The following NECTIN2 variants were observed in gnomAD, a reference collection of about 807,000 sequenced individuals.
NECTIN2 encodes the protein nectin-2.
In NECTIN2, 23 loss-of-function variants were observed where a neutral mutation model predicts 56.9. That is an observed-to-expected ratio of 0.40 (90% CI 0.29 to 0.57). The LOEUF (loss-of-function observed/expected upper bound fraction) is 0.57, where lower values mean the gene tolerates loss of function less well. NECTIN2 is among the 20% of genes least tolerant of loss of function. NECTIN2 has a pLI of 0.38. For synonymous variants in NECTIN2, 302 were observed against 313.8 expected, an observed-to-expected ratio of 0.96 and a Z score of 0.40; for missense variants, 587 against 718.3, an observed-to-expected ratio of 0.82 and a Z score of 2.09.
Position 44,888,530 on chromosome 19 carries a change from C to A in NECTIN2, c.*151C>A. The A allele has an allele frequency of 1.2e-6, 1 of 814,646 alleles. No individual in the cohort carries two copies. The highest frequency in any genetic ancestry group is 1.9e-6 in the Non-Finnish European group (1 of 523,414). 50.5% of individuals were successfully genotyped at this position (814,646 alleles called of 1,614,324 possible). ...GTCTACCTTGGTGGCTCCACTATGA[C>A]CCCTAACCCATGAGCCCAGAGAAAT... On this transcript the variant is annotated 3_prime_UTR_variant, in exon 9 of 9. Coordinates refer to ENST00000252483, the MANE Select transcript of NECTIN2 (RefSeq NM_001042724.2).
At chr19:44,879,875 TG>T (rs1969288934) in intron 5 of NECTIN2, among the ~76,000 whole-genome samples, 7 of 152,184 alleles carry the variant, frequency 4.6e-5, no homozygotes, top group Non-Finnish European at 7.3e-5. Flanking sequence ...GGGCTGCAGC[TG>T]TGGCCTGCAC....
chr19:44,865,330 G>T lies in NECTIN2; in HGVS notation c.148G>T (p.Val50Leu). 1 of 1,614,060 alleles carries T rather than the reference G, an allele frequency of 6.2e-7. No individual in the cohort carries two copies. The highest frequency in any genetic ancestry group is 8.5e-7 in the Non-Finnish European group (1 of 1,179,968). The stretch of plus-strand genomic sequence containing the variant: ...GGTGCGAGGCCAGCTCGGGGGCACC[G>T]TGGAGCTGCCGTGCCACCTGCTGCC... ...PEVRGQLGGT[V>L]ELPCHLLPPV... Residue 50 changes from valine (V) to leucine (L), a missense_variant, in exon 2 of 9, where the codon GTG (valine) becomes TTG (leucine). Transcript: ENST00000252483. This position sits in a 1 kb window ranked among gnomAD's most constrained non-coding sequence, Gnocchi z 5.2.
chr19:44,888,541 T>G lies in NECTIN2; in HGVS notation c.*162T>G, dbSNP rs1436940351. ...TGGCTCCACTATGACCCCTAACCCA[T>G]GAGCCCAGAGAAATTCACCGTGATA... On this transcript the variant is annotated 3_prime_UTR_variant, in exon 9 of 9. Transcript: ENST00000252483. 4 of 739,728 alleles carry G rather than the reference T, an allele frequency of 5.4e-6. No homozygotes were observed. The highest frequency in any genetic ancestry group is 8.7e-6 in the Non-Finnish European group (4 of 460,538). The allele number at this position is 739,728 out of a possible 1,614,324, so 45.8% of individuals were successfully genotyped here. A position where few individuals can be genotyped will look rare whatever the true frequency, so the allele number is the denominator to read the frequency against.
chr19:44,871,168 C>CA (rs1555786856), intron 2 of NECTIN2, among the ~76,000 whole-genome samples: 1 of 151,980 alleles, frequency 6.6e-6, no homozygotes, highest in Non-Finnish European at 1.5e-5. Context: ...GCCCGACCAG[C>CA]TTTTTTTTAA....
chr19:44,866,401 T>C (rs1382863502), intron 2 of NECTIN2, among the ~76,000 whole-genome samples: 1 of 151,942 alleles, frequency 6.6e-6, no homozygotes, highest in Non-Finnish European at 1.5e-5. Flanking sequence ...TGAGGCCCTA[T>C]CTCTAATAAA....
intron 1 of NECTIN2, among the ~76,000 whole-genome samples, chr19:44,863,164 A>C (rs1004275892): frequency 1.3e-5 from 2 of 151,738 alleles, no homozygotes; most frequent in Admixed American, 1.3e-4. Flanking sequence ...TCTGTCTCAA[A>C]AAAAAGAAAA....
chr19:44,858,027 G>A (rs2122643686), intron 1 of NECTIN2, among the ~76,000 whole-genome samples: 1 of 152,320 alleles, frequency 6.6e-6, no homozygotes, highest in East Asian at 1.9e-4. Flanking sequence ...AATGGGGAGG[G>A]CAGCTGTGCA....
chr19:44,879,779 G>A (rs1311370151), intron 5 of NECTIN2, among the ~76,000 whole-genome samples: 1 of 152,166 alleles, frequency 6.6e-6, no homozygotes, highest in Non-Finnish European at 1.5e-5. Flanking sequence ...GCTGTCGTGG[G>A]ACCCAGTAAG....
In NECTIN2 at chr19:44,861,462, C is replaced by T. The variant is rs200112959; in HGVS notation, c.89-3809C>T. ...GTCTATATCTACAAAGATTTCATGA[C>T]GAAATTGCCAAAAGCAGTGCAGCAA... On this transcript the variant is annotated intron_variant, in intron 1 of 8. Transcript: ENST00000252483. Among the ~76,000 whole-genome samples the T allele has an allele frequency of 7.9e-5, 12 of 152,292 alleles. No homozygotes were observed. The South Asian group carries it at 2.1e-3, about 26-fold the overall frequency.
In NECTIN2 at chr19:44,888,486, T is replaced by C. The variant is rs2122721326; in HGVS notation, c.*107T>C. The stretch of plus-strand genomic sequence containing the variant: ...GGCCAGGCCACTGTCAGTTAACACA[T>C]ATGCATTCCATTTGTGATGTCTACC... On this transcript the variant is annotated 3_prime_UTR_variant, in exon 9 of 9. Transcript: ENST00000252483. The C allele has an allele frequency of 8.3e-7, 1 of 1,204,034 alleles. No individual in the cohort carries two copies. The highest frequency in any genetic ancestry group is 1.2e-6 in the Non-Finnish European group (1 of 860,354). 74.6% of individuals were successfully genotyped at this position (1,204,034 alleles called of 1,614,324 possible).
intron 6 of NECTIN2, among the ~76,000 whole-genome samples, chr19:44,883,022 C>G (rs1055920337): frequency 6.6e-6 from 1 of 151,978 alleles, no homozygotes; most frequent in Non-Finnish European, 1.5e-5. Flanking sequence ...ACCTTGGGAT[C>G]CCCCCTCCTC....
In NECTIN2 at chr19:44,872,038, C is replaced by T. The variant is rs148321526; in HGVS notation, c.664C>T (p.Arg222Cys). 3.4e-4 allele frequency: 544 copies of T among 1,614,162 alleles called. 1 individual carries two copies. The African/African-American group carries it at 6.1e-3, about 18-fold the overall frequency. ...TLAGTVTVTS[R>C]FTLVPSGRAD... ...GGCCGGAACTGTCACTGTCACCAGC[C>T]GCTTCACCTTGGTGCCCTCGGGCCG... The change falls in exon 3 of 9, where the codon CGC becomes TGC. Residue 222 changes from arginine to cysteine, a missense_variant. Transcript: ENST00000252483.
intron 1 of NECTIN2, among the ~76,000 whole-genome samples, chr19:44,857,040 A>G (rs1968973087): frequency 6.6e-6 from 1 of 152,110 alleles, no homozygotes. Flanking sequence ...AAACATCCCC[A>G]TTTTACAGAT....
chr19:44,873,866 C>T (rs1278992179), intron 3 of NECTIN2, 50 bp from the exon 4 acceptor site: 4 of 1,423,748 alleles, frequency 2.8e-6, no homozygotes, highest in Admixed American at 3.5e-5. Flanking sequence ...ACTTGTCCAC[C>T]CGCTCTGGGA....
intron 5 of NECTIN2, among the ~76,000 whole-genome samples, chr19:44,880,619 C>T (rs188286058): frequency 2.1e-4 from 32 of 148,906 alleles, no homozygotes; most frequent in African/African-American, 6.7e-4. Context: ...TCTTGAGTAA[C>T]GCACCCAGCC....
At chr19:44,863,399 G>A (rs520566) in intron 1 of NECTIN2, among the ~76,000 whole-genome samples, 50,265 of 151,886 alleles carry the variant, frequency 0.33, 9,217 homozygotes, top group Non-Finnish European at 0.39. Flanking sequence ...CTGCACTTCA[G>A]CCTGGGAGAC....
chr19:44,848,395 G>A (rs1490423837), intron 1 of NECTIN2, among the ~76,000 whole-genome samples: 2 of 152,110 alleles, frequency 1.3e-5, no homozygotes, highest in East Asian at 3.9e-4. Context: ...CTCACAGCAG[G>A]TCCCGGGGAA....
intron 5 of NECTIN2, among the ~76,000 whole-genome samples, chr19:44,881,157 C>T (rs1464801853): frequency 3.3e-5 from 5 of 152,056 alleles, no homozygotes. Context: ...ATCCGCCCGC[C>T]TCGCCCTCCC....
intron 1 of NECTIN2, among the ~76,000 whole-genome samples, chr19:44,848,865 G>A (rs1031771932): frequency 6.6e-6 from 1 of 151,912 alleles, no homozygotes; most frequent in African/African-American, 2.4e-5. Flanking sequence ...CCCCCGCTTG[G>A]CCTCCTCGGG....
Sources: gnomAD v4.1 joint callset for allele counts (sites outside exome capture counted in the v4.1 genomes callset) on GRCh38, gnomAD v4.1.1 for gene constraint, Gnocchi (gnomAD v3.1) non-coding constraint, MANE v1.5 for transcripts, NCBI Gene and HGNC (gene_info 2026-07-23, HGNC 2026-07-21) for gene names.